SLC9C2: variants seen among roughly 807,000 people sequenced by gnomAD.
SLC9C2 encodes the protein sodium/hydrogen exchanger 11.
SLC9C2 carries 75 observed loss-of-function variants against 140.2 expected under a neutral mutation model. The observed-to-expected ratio is 0.53, with a 90% CI of 0.44 to 0.65. The LOEUF is 0.65. Ranked by LOEUF, SLC9C2 falls within the 30% of genes least tolerant of loss-of-function variation. SLC9C2 has a pLI of 0.00. For missense variants in SLC9C2, 1,074 were observed against 1,331.8 expected (o/e 0.81, Z 3.01); for synonymous variants, 375 against 420.9 (o/e 0.89, Z 1.34).
intron 9 of SLC9C2, among the ~76,000 whole-genome samples, chr1:173,568,005 T>C (rs779584528): frequency 1.4e-4 from 22 of 152,140 alleles, no homozygotes; most frequent in Non-Finnish European, 2.6e-4. Flanking sequence ...TGTTTCTTTA[T>C]ATCTTATTGT....
rs751599884 is a variant in SLC9C2, at chr1:173,601,654, C to T, written c.123G>A (p.Leu41=). The T allele has an allele frequency of 1.2e-6, 2 of 1,612,950 alleles. No individual in the cohort carries two copies. The highest frequency in any genetic ancestry group is 1.7e-6 in the Non-Finnish European group (2 of 1,179,572). ...GTTTCAAAAACAACCACCTACCTCC[C>T]AAAACAACAATGAAGCATACAAGCG... ...FTTLVCFIVV[L]GGLLKMCLKN... Residue 41 remains leucine, a synonymous_variant, in exon 2 of 28, where the codon TTG becomes TTA. Coordinates refer to ENST00000367714, the MANE Select transcript of SLC9C2 (RefSeq NM_178527.4).
chr1:173,516,391 G>A (rs1275274065), intron 23 of SLC9C2, among the ~76,000 whole-genome samples: 2 of 152,140 alleles, frequency 1.3e-5, no homozygotes, highest in African/African-American at 2.4e-5. Flanking sequence ...AGGGTTTGTT[G>A]TACAGATTAT....
chr1:173,551,038 G>C (rs903212051), intron 11 of SLC9C2, among the ~76,000 whole-genome samples: 3 of 151,968 alleles, frequency 2.0e-5, no homozygotes, highest in Admixed American at 2.0e-4. Flanking sequence ...TTTGCTTTGA[G>C]GTGGGCTGTC....
At chr1:173,511,180 C>T (rs1192683771) in intron 23 of SLC9C2, among the ~76,000 whole-genome samples, 2 of 151,680 alleles carry the variant, frequency 1.3e-5, no homozygotes, top group South Asian at 2.1e-4. Flanking sequence ...ACTATAAGTG[C>T]GCCACCATGC....
chr1:173,517,534 T>G lies in SLC9C2; in HGVS notation c.2907+3A>C, dbSNP rs1553247536. The G allele has an allele frequency of 1.3e-6, 2 of 1,590,674 alleles. No individual in the cohort carries two copies. The highest frequency in any genetic ancestry group is 1.7e-6 in the Non-Finnish European group (2 of 1,172,560). ...ATAACTCATGACAGAACCATTTTCC[T>G]ACCTGTAAACTAGTTTCACAGATGA... On this transcript the variant is annotated splice_donor_region_variant and intron_variant, in intron 23 of 27. Coordinates refer to ENST00000367714, the MANE Select transcript of SLC9C2 (RefSeq NM_178527.4).
At chr1:173,509,349 G>A (rs901209763) in intron 24 of SLC9C2, among the ~76,000 whole-genome samples, 7 of 151,762 alleles carry the variant, frequency 4.6e-5, no homozygotes, top group African/African-American at 1.7e-4. Context: ...GGAGGCTGAG[G>A]CAGGAGAATT....
At chr1:173,602,229 T>C (rs1479291984) in intron 1 of SLC9C2, among the ~76,000 whole-genome samples, 2 of 152,128 alleles carry the variant, frequency 1.3e-5, no homozygotes, top group African/African-American at 4.8e-5. Flanking sequence ...CCAAAAATAT[T>C]TGATGGGCTG....
chr1:173,526,562 A>G (rs935500692), intron 19 of SLC9C2, 101 bp downstream of exon 19: 1 of 1,106,152 alleles, frequency 9.0e-7, no homozygotes, highest in African/African-American at 1.6e-5. Flanking sequence ...TGAATGCATA[A>G]ATGAATGAGC....
chr1:173,522,571 G>GT (rs1382603304), intron 21 of SLC9C2, among the ~76,000 whole-genome samples: 1 of 152,170 alleles, frequency 6.6e-6, no homozygotes, highest in Admixed American at 6.5e-5. Context: ...AGGAAAATTA[G>GT]TTTTAGATAG....
intron 9 of SLC9C2, among the ~76,000 whole-genome samples, chr1:173,560,848 G>A (rs1279248371): frequency 6.6e-6 from 1 of 152,038 alleles, no homozygotes; most frequent in Non-Finnish European, 1.5e-5. Flanking sequence ...CCAGGCTGGA[G>A]TGCAGTGGAG....
intron 5 of SLC9C2, among the ~76,000 whole-genome samples, chr1:173,584,324 T>C (rs1665726345): frequency 6.6e-6 from 1 of 152,208 alleles, no homozygotes; most frequent in Admixed American, 6.5e-5. Context: ...AAAAATAGAT[T>C]GGTTGTGATT....
chr1:173,510,518 A>C lies in SLC9C2; in HGVS notation c.2908-819T>G, dbSNP rs369157850. On this transcript the variant is annotated intron_variant, in intron 23 of 27. Transcript: ENST00000367714. Reference sequence around the variant, plus strand: ...AATCCCCAAACGGCCCTGGTGTGTGATGTTCCCCTCCCTGTGTCCATGTGT... The same window carrying C: ...AATCCCCAAACGGCCCTGGTGTGTGCTGTTCCCCTCCCTGTGTCCATGTGT... 4.6e-5 allele frequency among the ~76,000 whole-genome samples: 7 copies of C among 152,116 alleles called. 1 individual carries two copies. In the East Asian group the frequency reaches 1.4e-3, roughly 29 times the overall value.
chr1:173,504,735 T>G (rs1332701898), intron 26 of SLC9C2, among the ~76,000 whole-genome samples: 22 of 152,206 alleles, frequency 1.4e-4, no homozygotes, highest in Admixed American at 1.3e-3. Flanking sequence ...CCATGATGCA[T>G]GCAGTTGGAT....
intron 11 of SLC9C2, among the ~76,000 whole-genome samples, chr1:173,551,779 G>A (rs1190342828): frequency 1.3e-5 from 2 of 152,064 alleles, no homozygotes; most frequent in Non-Finnish European, 1.5e-5. Context: ...GAGACACACA[G>A]TATTGAAATT....
At chr1:173,570,052 C>A (rs563093335) in intron 9 of SLC9C2, among the ~76,000 whole-genome samples, 1 of 152,114 alleles carries the variant, frequency 6.6e-6, no homozygotes, top group African/African-American at 2.4e-5. Flanking sequence ...TGGGACTCAC[C>A]CTTCAGGGCA....
intron 13 of SLC9C2, 35 bp from the exon 14 acceptor site, chr1:173,537,074 A>C: frequency 6.6e-7 from 1 of 1,520,794 alleles, no homozygotes. Flanking sequence ...ACAAAAGATC[A>C]AAACATAAAT....
intron 5 of SLC9C2, 102 bp downstream of exon 5, chr1:173,587,563 T>G: frequency 8.7e-7 from 1 of 1,147,838 alleles, no homozygotes; most frequent in Non-Finnish European, 1.2e-6. Context: ...GCACAGAGTC[T>G]TATTCTTCTG....
At chr1:173,595,360 G>A (rs1297612756) in intron 4 of SLC9C2, among the ~76,000 whole-genome samples, 2 of 152,108 alleles carry the variant, frequency 1.3e-5, no homozygotes, top group Non-Finnish European at 2.9e-5. Flanking sequence ...GGCAGAAAGA[G>A]AGGTAAAGCA....
chr1:173,520,636 C>A (rs1660740026), intron 22 of SLC9C2, among the ~76,000 whole-genome samples: 1 of 152,038 alleles, frequency 6.6e-6, no homozygotes, highest in African/African-American at 2.4e-5. Context: ...TAGAATAGTG[C>A]CAGATAGTAA....
Sources: allele counts gnomAD v4.1 joint callset (sites outside exome capture counted in the v4.1 genomes callset), GRCh38; gene constraint gnomAD v4.1.1; transcripts MANE v1.5; gene names NCBI Gene and HGNC (gene_info 2026-07-23, HGNC 2026-07-21).